The following GFI1 variants were observed in gnomAD, a reference collection of about 807,000 sequenced individuals.
The protein encoded by GFI1 is zinc finger protein Gfi-1.
In GFI1, 15 loss-of-function variants were observed where a neutral mutation model predicts 39.2. That is an observed-to-expected ratio of 0.38 (90% CI 0.26 to 0.59). The LOEUF is 0.59. Among genes scored for constraint, GFI1 ranks in the 20% least tolerant of loss-of-function variants. The probability of loss-of-function intolerance (pLI) is 0.62; values close to 1 mark genes in which losing one functional copy is unlikely to be tolerated. For synonymous variants in GFI1, 239 were observed against 254.3 expected, an observed-to-expected ratio of 0.94 and a Z score of 0.57; for missense variants, 475 against 574.0, an observed-to-expected ratio of 0.83 and a Z score of 1.76.
At position 92,481,078 on chromosome 1, in the gene GFI1, C is replaced by T. The variant is rs773632311; in HGVS notation, c.309G>A (p.Lys103=). The T allele has an allele frequency of 1.9e-5, 31 of 1,611,196 alleles. No homozygotes were observed. Among genetic ancestry groups the T allele is most frequent in the Non-Finnish European group, 2.6e-5 (31 of 1,178,702 alleles). ...PSPSASPASE[K]SMCPSLDEAQ... ...CTTCGTCCAGCGATGGGCACATTGA[C>T]TTCTCCGAGGCTGTGGAGGCACAAG... The change falls in exon 4 of 7, where the codon AAG becomes AAA. Residue 103 remains lysine, a synonymous_variant. Transcript: ENST00000294702. The surrounding 1 kb of genome is among the most constrained non-coding windows in gnomAD (Gnocchi z 4.3).
At chr1:92,478,960 G>A (rs1175103333) in intron 5 of GFI1, among the ~76,000 whole-genome samples, 1 of 152,136 alleles carries the variant, frequency 6.6e-6, no homozygotes. Flanking sequence ...CCACCTCCCA[G>A]GTTCAAGCAA....
chr1:92,474,596 G>A lies in GFI1; in HGVS notation c.*1433C>T, dbSNP rs1480024889. On this transcript the variant is annotated 3_prime_UTR_variant, in exon 7 of 7. Transcript: ENST00000294702. Reference sequence around the variant, plus strand: ...GTATCTCTGAGGTGTAGCAGCAAAGGAGAAAGTATATGGAAACCCGAGCAA... The same window carrying A: ...GTATCTCTGAGGTGTAGCAGCAAAGAAGAAAGTATATGGAAACCCGAGCAA... Among the ~76,000 whole-genome samples the A allele has an allele frequency of 1.3e-5, 2 of 152,186 alleles. No individual in the cohort carries two copies. Among genetic ancestry groups the A allele is most frequent in the African/African-American group, 4.8e-5 (2 of 41,446 alleles).
rs781299744 is a variant in GFI1, at chr1:92,478,687, G to A, written c.991C>T (p.Leu331=). The A allele has an allele frequency of 7.4e-6, 12 of 1,613,354 alleles. No homozygotes were observed. The African/African-American group carries it at 1.1e-4, about 14-fold the overall frequency. ...FKRSSTLSTH[L]LIHSDTRPYP... is the part of the protein sequence containing the mutation. The stretch of plus-strand genomic sequence containing the variant: ...GGCCGAGTGTCTGAGTGGATAAGCA[G>A]GTGTGTGGACAGTGTGGATGACCTC... Residue 331 remains leucine, a synonymous_variant, in exon 6 of 7, where the codon CTG becomes TTG. Transcript: ENST00000294702.
chr1:92,475,954 G>A lies in GFI1; in HGVS notation c.*75C>T, dbSNP rs561172559. The A allele has an allele frequency of 7.3e-7, 1 of 1,377,372 alleles. No individual in the cohort carries two copies. The highest frequency in any genetic ancestry group is 1.9e-5 in the Admixed American group (1 of 53,922). The allele number at this position is 1,377,372 out of a possible 1,614,324, so 85.3% of individuals were successfully genotyped here. ...TCAGAAGGGAGTGGAGGCAAGCAGG[G>A]AGCAGAGTGGTGGCAAGCAGGGAGG... is the stretch of plus-strand genomic sequence containing the variant. On this transcript the variant is annotated 3_prime_UTR_variant, in exon 7 of 7. Transcript: ENST00000294702.
chr1:92,486,531 C>CA lies in GFI1; in HGVS notation c.-100+194dup, dbSNP rs1553163722. 4.8e-5 allele frequency among the ~76,000 whole-genome samples: 7 copies of CA among 147,270 alleles called. No individual in the cohort carries two copies. The East Asian group carries it at 8.2e-4, about 17-fold the overall frequency. The stretch of plus-strand genomic sequence containing the variant: ...TCAGGCCTCGGTCACCCGCCCCCCC[C>CA]ACCCCCGACCCCGCCGCCTCCTAGG... On this transcript the variant is annotated intron_variant, in intron 1 of 6. Coordinates refer to ENST00000294702, the MANE Select transcript of GFI1 (RefSeq NM_005263.5).
At position 92,484,264 on chromosome 1, in the gene GFI1, G is replaced by A. The variant is rs1658427376; in HGVS notation, c.-99-678C>T. 6.6e-6 allele frequency among the ~76,000 whole-genome samples: 1 copy of A among 152,294 alleles called. No homozygotes were observed. The highest frequency in any genetic ancestry group is 2.1e-4 in the South Asian group (1 of 4,830). On this transcript the variant is annotated intron_variant, in intron 1 of 6. Transcript: ENST00000294702. The surrounding 1 kb of genome is among the most constrained non-coding windows in gnomAD (Gnocchi z 4.1). Reference sequence around the variant, plus strand: ...AACAGACGACCAACCCCCGCCCCAGGAGAAACTCGCATCTGGGTGATCCCA... The same window carrying A: ...AACAGACGACCAACCCCCGCCCCAGAAGAAACTCGCATCTGGGTGATCCCA...
chr1:92,483,407 G>A lies in GFI1; in HGVS notation c.81C>T (p.Leu27=). ...QPRSPGPDYS[L]RLENVPAPSR... ...TAGGCGCCGGTACATTCTCTAAACG[G>A]AGGGAATAGTCTGGTCCTGGGGAGC... Residue 27 remains leucine, a synonymous_variant, in exon 2 of 7, where the codon CTC becomes CTT. Transcript: ENST00000294702. 1 of 1,612,822 alleles carries A rather than the reference G, an allele frequency of 6.2e-7. No individual in the cohort carries two copies. Among genetic ancestry groups the A allele is most frequent in the Non-Finnish European group, 8.5e-7 (1 of 1,178,910 alleles).
At chr1:92,476,547 T>C (rs986517086) in intron 6 of GFI1, among the ~76,000 whole-genome samples, 30 of 152,128 alleles carry the variant, frequency 2.0e-4, no homozygotes, top group African/African-American at 6.5e-4. Flanking sequence ...TTATAAGCCA[T>C]GAACACTCAG....
In GFI1 at chr1:92,474,412, T is replaced by A. The variant is rs865962498; in HGVS notation, c.*1617A>T. Among the ~76,000 whole-genome samples, 3 of 152,220 alleles carry A rather than the reference T, an allele frequency of 2.0e-5. No individual in the cohort carries two copies. Among genetic ancestry groups the A allele is most frequent in the Admixed American group, 1.3e-4 (2 of 15,282 alleles). On this transcript the variant is annotated 3_prime_UTR_variant, in exon 7 of 7. Transcript: ENST00000294702. ...CCTAGACCTAAGACCTGTGATTTCT[T>A]TATTCATCTGGGAGCCTTCAGGCCC...
rs2101575431 is a variant in GFI1 at position 92,481,552 on chromosome 1, C to A, written c.299-464G>T. On this transcript the variant is annotated intron_variant, in intron 3 of 6. Transcript: ENST00000294702. This position sits in a 1 kb window ranked among gnomAD's most constrained non-coding sequence, Gnocchi z 4.3. ...CACTCTCCCAGCCCCTACATGTTCC[C>A]ATTCAATTCTTTTTCTTCCCAGAAT... Among the ~76,000 whole-genome samples the A allele has an allele frequency of 6.6e-6, 1 of 152,322 alleles. No homozygotes were observed. Among genetic ancestry groups the A allele is most frequent in the East Asian group, 1.9e-4 (1 of 5,182 alleles).
At chr1:92,485,367 G>C (rs1254759695) in intron 1 of GFI1, among the ~76,000 whole-genome samples, 1 of 152,246 alleles carries the variant, frequency 6.6e-6, no homozygotes, top group African/African-American at 2.4e-5. Context: ...GGGTCCCGCT[G>C]CAGCTTGGAC....
Position 92,475,368 on chromosome 1 carries a change from C to T in GFI1, c.*661G>A, listed in dbSNP as rs983451618. ...TCTAATCCCCTCTCATTACCAACTT[C>T]TCTTCTGCTTCTTCTTGGGGGTAGC... is the stretch of plus-strand genomic sequence containing the variant. On this transcript the variant is annotated 3_prime_UTR_variant, in exon 7 of 7. Coordinates refer to ENST00000294702, the MANE Select transcript of GFI1 (RefSeq NM_005263.5). 1 of 154,400 alleles carries T rather than the reference C, an allele frequency of 6.5e-6. No individual in the cohort carries two copies. Among genetic ancestry groups the T allele is most frequent in the Non-Finnish European group, 1.4e-5 (1 of 69,596 alleles). 9.6% of individuals were successfully genotyped at this position (154,400 alleles called of 1,614,324 possible).
rs80337126 is a variant in GFI1, at chr1:92,478,631, G to A, written c.1047C>T (p.Phe349=). 31,680 of 1,613,968 alleles carry A rather than the reference G, an allele frequency of 0.02. 368 individuals carry two copies. Among genetic ancestry groups the A allele is most frequent in the Non-Finnish European group, 0.023 (27,501 of 1,179,934 alleles). Residue 349 remains phenylalanine (F), a synonymous_variant, in exon 6 of 7, where the codon TTC becomes TTT. Transcript: ENST00000294702. ...PYPCQYCGKR[F]HQKSDMKKHT... Reference sequence around the variant, plus strand: ...GTTTCTTCATGTCTGACTTCTGGTGGAACCTCTTGCCACAGTACTGACAGG... The same window carrying A: ...GTTTCTTCATGTCTGACTTCTGGTGAAACCTCTTGCCACAGTACTGACAGG...
rs1391155047 is a variant in GFI1 at position 92,475,645 on chromosome 1, C to T, written c.*384G>A. 1 of 291,574 alleles carries T rather than the reference C, an allele frequency of 3.4e-6. No homozygotes were observed. The highest frequency in any genetic ancestry group is 3.7e-5 in the South Asian group (1 of 26,738). 18.1% of individuals were successfully genotyped at this position (291,574 alleles called of 1,614,324 possible). On this transcript the variant is annotated 3_prime_UTR_variant, in exon 7 of 7. Coordinates refer to ENST00000294702, the MANE Select transcript of GFI1 (RefSeq NM_005263.5). ...TTCCACACAAATATCTGGGGTAGGT[C>T]AAGAGGGGGGAGGGAAGAAACCTGA...
rs2101578543 is a variant in GFI1 at position 92,482,456 on chromosome 1, C to T, written c.298+408G>A. On this transcript the variant is annotated intron_variant, in intron 3 of 6. Transcript: ENST00000294702. The surrounding 1 kb of genome is among the most constrained non-coding windows in gnomAD (Gnocchi z 4.4). ...CCCTGCCGCCCAGCGCCTAGCTCCT[C>T]TGCCTGGCCCGTTCTGCCCTGTTCT... 6.6e-6 allele frequency among the ~76,000 whole-genome samples: 1 copy of T among 152,322 alleles called. No individual in the cohort carries two copies. Among genetic ancestry groups the T allele is most frequent in the African/African-American group, 2.4e-5 (1 of 41,574 alleles).
chr1:92,483,007 CG>C lies in GFI1; in HGVS notation c.154del (p.Arg52GlyfsTer10). On this transcript the variant is annotated frameshift_variant, in exon 3 of 7. Coordinates refer to ENST00000294702, the MANE Select transcript of GFI1 (RefSeq NM_005263.5). LOFTEE classifies it high-confidence loss of function. ...CTGCGATTCGGGGGACAAACGGTCC[CG>C]GGGCTCCGCCTTCGCCCCGCCTGCA... ...SNAGGAKAEP[R>X]DRLSPESQLT... 1 of 1,606,566 alleles carries C rather than the reference CG, an allele frequency of 6.2e-7. No individual in the cohort carries two copies.
chr1:92,476,829 T>C (rs1291718204), intron 6 of GFI1, among the ~76,000 whole-genome samples: 2 of 152,232 alleles, frequency 1.3e-5, no homozygotes, highest in Non-Finnish European at 2.9e-5. Context: ...TTCAATATCT[T>C]ATTTTAAAAA....
At position 92,480,208 on chromosome 1, in the gene GFI1, G is replaced by T; in HGVS notation, c.924+140C>A. ...CCTACACACCTGCACCAGGGCAAGG[G>T]GACGCAGCGGAGGGCTTGGGGGAGG... On this transcript the variant is annotated intron_variant, in intron 5 of 6. Coordinates refer to ENST00000294702, the MANE Select transcript of GFI1 (RefSeq NM_005263.5). This position sits in a 1 kb window ranked among gnomAD's most constrained non-coding sequence, Gnocchi z 5.6. 1 of 933,826 alleles carries T rather than the reference G, an allele frequency of 1.1e-6. No individual in the cohort carries two copies. Among genetic ancestry groups the T allele is most frequent in the Non-Finnish European group, 1.6e-6 (1 of 609,784 alleles). 57.8% of individuals were successfully genotyped at this position (933,826 alleles called of 1,614,324 possible).
In GFI1 at chr1:92,485,364, G is replaced by A. The variant is rs72722446; in HGVS notation, c.-100+1362C>T. ...GGAGTGGCGTTGTCCCGAGGGTCCC[G>A]CTGCAGCTTGGACCCACGTTGGCTG... On this transcript the variant is annotated intron_variant, in intron 1 of 6. Transcript: ENST00000294702. 4.5e-3 allele frequency among the ~76,000 whole-genome samples: 686 copies of A among 152,328 alleles called. 2 individuals carry two copies. The highest frequency in any genetic ancestry group is 7.5e-3 in the Non-Finnish European group (513 of 68,018).
Sources: allele counts gnomAD v4.1 joint callset (sites outside exome capture counted in the v4.1 genomes callset), GRCh38; gene constraint gnomAD v4.1.1; non-coding constraint Gnocchi (gnomAD v3.1); transcripts MANE v1.5; gene names NCBI Gene and HGNC (gene_info 2026-07-23, HGNC 2026-07-21).